SLCO4C1: variants seen among roughly 807,000 people sequenced by gnomAD.
SLCO4C1 encodes organic anion transporter M1.
Under a neutral mutation model 72.1 loss-of-function variants are expected in SLCO4C1, and 58 were observed. The ratio of observed to expected loss-of-function variants is 0.80; its 90% CI spans 0.65 to 1.00. The LOEUF (loss-of-function observed/expected upper bound fraction) is 1.00. Ranked by LOEUF, SLCO4C1 falls within the 50% of genes least tolerant of loss-of-function variation. The pLI is 0.00. For missense variants in SLCO4C1, 898 were observed against 857.9 expected, an observed-to-expected ratio of 1.05 and a Z score of -0.58; for synonymous variants, 297 against 312.5, an observed-to-expected ratio of 0.95 and a Z score of 0.52.
intron 11 of SLCO4C1, 112 bp from the exon 12 acceptor site, chr5:102,239,500 CT>C (rs1748500252): frequency 1.4e-6 from 1 of 712,312 alleles, no homozygotes; most frequent in Non-Finnish European, 2.0e-6. Context: ...AAGTATTCAT[CT>C]GTCCACATGC....
intron 2 of SLCO4C1, among the ~76,000 whole-genome samples, chr5:102,288,981 C>A (rs952133624): frequency 2.0e-5 from 3 of 152,164 alleles, no homozygotes; most frequent in Non-Finnish European, 2.9e-5. Context: ...GTTATCTCAA[C>A]ACCATGTGTA....
At chr5:102,257,334 T>C (rs748807846) in intron 7 of SLCO4C1, 24 bp from the exon 8 acceptor site, 9 of 1,556,144 alleles carry the variant, frequency 5.8e-6, no homozygotes, top group Non-Finnish European at 6.9e-6. Flanking sequence ...AGAATGTAGA[T>C]TGTGAGAAAC....
In SLCO4C1 at chr5:102,293,207, A is replaced by G. The variant is rs578090910; in HGVS notation, c.356-1601T>C. 1.3e-4 allele frequency among the ~76,000 whole-genome samples: 20 copies of G among 152,286 alleles called. No individual in the cohort carries two copies. The South Asian group carries it at 4.1e-3, about 32-fold the overall frequency. ...AATAAAGTACCTAAAGTATCTTAGG[A>G]TGACATTTTTATACGTTATCTAATA... On this transcript the variant is annotated intron_variant, in intron 1 of 12. Transcript: ENST00000310954.
rs1257863569 is a variant in SLCO4C1, at chr5:102,241,591, TG to T, written c.1812-810del. On this transcript the variant is annotated intron_variant, in intron 10 of 12. Coordinates refer to ENST00000310954, the MANE Select transcript of SLCO4C1 (RefSeq NM_180991.5). ...GCTATAAAACACTGATGAAAGAAAT[TG>T]AAGAAGCCACAAATAAATGGAAAGC... 2.0e-5 allele frequency among the ~76,000 whole-genome samples: 3 copies of T among 152,020 alleles called. No individual in the cohort carries two copies. In the East Asian group the frequency reaches 5.8e-4, roughly 29 times the overall value.
In SLCO4C1 at chr5:102,291,430, C is replaced by G. The variant is rs1252746068; in HGVS notation, c.532G>C (p.Ala178Pro). ...GCTCCCAGTCCAATCATAAAGGCTG[C>G]AAATGCAAGCCATCTCGGCTTATGT... ...RGHKPRWLAF[A>P]AFMIGLGALV... is the part of the protein sequence containing the mutation. Residue 178 changes from alanine (A) to proline (P), a missense_variant, in exon 2 of 13, where the codon GCA becomes CCA. Physicochemically the swap from Ala to Pro is conservative, Grantham distance 27. Transcript: ENST00000310954. 1 of 1,614,068 alleles carries G rather than the reference C, an allele frequency of 6.2e-7. No individual in the cohort carries two copies.
rs774808347 is a variant in SLCO4C1, at chr5:102,249,700, C to G, written c.1558G>C (p.Val520Leu). Residue 520 changes from valine (V) to leucine (L), a missense_variant, in exon 9 of 13, where the codon GTC becomes CTC. Physicochemically the swap from Val to Leu is conservative, Grantham distance 32. Transcript: ENST00000310954. ...SYYYPVCGDG[V>L]QYFSPCFAGC... ...GCAAAGCAGGGAGAAAAATATTGGA[C>G]TCCATCTCCACAGACAGGATAATAA... The G allele has an allele frequency of 5.0e-6, 8 of 1,613,826 alleles. No homozygotes were observed. Among genetic ancestry groups the G allele is most frequent in the Non-Finnish European group, 6.8e-6 (8 of 1,179,940 alleles).
chr5:102,294,776 C>A (rs942418506), intron 1 of SLCO4C1, among the ~76,000 whole-genome samples: 20 of 152,106 alleles, frequency 1.3e-4, no homozygotes, highest in African/African-American at 4.8e-4. Context: ...GCATCTAATG[C>A]GCAAAGCAAG....
intron 11 of SLCO4C1, 70 bp from the exon 12 acceptor site, chr5:102,239,458 T>C: frequency 9.2e-7 from 1 of 1,089,422 alleles, no homozygotes; most frequent in Non-Finnish European, 1.2e-6. Flanking sequence ...TTTTTATACA[T>C]GATCATACAT....
intron 12 of SLCO4C1, among the ~76,000 whole-genome samples, chr5:102,238,358 GT>G (rs1445539059): frequency 3.9e-5 from 6 of 152,016 alleles, no homozygotes; most frequent in Non-Finnish European, 8.8e-5. Context: ...ATAAAAAATG[GT>G]TTTTAACAAC....
intron 2 of SLCO4C1, among the ~76,000 whole-genome samples, chr5:102,284,680 T>C (rs1206577503): frequency 1.3e-5 from 2 of 152,118 alleles, no homozygotes; most frequent in Non-Finnish European, 2.9e-5. Flanking sequence ...ATTTTTAACA[T>C]ATTCCTAATG....
At chr5:102,246,826 A>G (rs991523226) in intron 10 of SLCO4C1, among the ~76,000 whole-genome samples, 1 of 152,170 alleles carries the variant, frequency 6.6e-6, no homozygotes, top group Non-Finnish European at 1.5e-5. Context: ...GGTGAACAAC[A>G]CAGGTAATAG....
intron 1 of SLCO4C1, among the ~76,000 whole-genome samples, chr5:102,295,246 G>A (rs993701818): frequency 6.6e-6 from 1 of 152,152 alleles, no homozygotes; most frequent in Admixed American, 6.5e-5. Context: ...ACTCCCAAGA[G>A]AACCTAAAAG....
rs112198673 is a variant in SLCO4C1 at position 102,252,750 on chromosome 5, C to G, written c.1470-2962G>C. On this transcript the variant is annotated intron_variant, in intron 8 of 12. Coordinates refer to ENST00000310954, the MANE Select transcript of SLCO4C1 (RefSeq NM_180991.5). ...AATATCAAGGGGTGGTCACATTAGT[C>G]TACATATTTTACAAAGGTTTACTTC... 4.9e-3 allele frequency among the ~76,000 whole-genome samples: 752 copies of G among 152,134 alleles called. 3 individuals carry two copies. The highest frequency in any genetic ancestry group is 0.017 in the African/African-American group (713 of 41,510).
chr5:102,238,781 CA>C (rs1318837563), intron 12 of SLCO4C1, among the ~76,000 whole-genome samples: 2 of 151,966 alleles, frequency 1.3e-5, no homozygotes, highest in Non-Finnish European at 2.9e-5. Context: ...CTGCAAAAGG[CA>C]AAAAGAATTA....
chr5:102,263,932 T>G, intron 3 of SLCO4C1, 152 bp from the exon 4 acceptor site: 1 of 620,034 alleles, frequency 1.6e-6, no homozygotes, highest in Non-Finnish European at 2.8e-6. Flanking sequence ...ACCATTTGAA[T>G]TGATAGTCAA....
chr5:102,288,890 A>T (rs1195862979), intron 2 of SLCO4C1, among the ~76,000 whole-genome samples: 1 of 152,196 alleles, frequency 6.6e-6, no homozygotes, highest in Non-Finnish European at 1.5e-5. Context: ...ATTTTCAATT[A>T]TCTTGTTCAT....
chr5:102,247,917 C>CTTTTTTTT (rs55692838), intron 9 of SLCO4C1, among the ~76,000 whole-genome samples: 2 of 107,436 alleles, frequency 1.9e-5, no homozygotes, highest in African/African-American at 3.4e-5. Context: ...AGGCCAGAAA[C>CTTTTTTTT]TTTTTTTTTT....
chr5:102,260,392 A>C lies in SLCO4C1; in HGVS notation c.1022-73T>G, dbSNP rs967556854. Reference sequence around the variant, plus strand: ...AATATATTATATGTATAATATATATAATATATAATAAGTAAACGTGCTCTA... The same window carrying C: ...AATATATTATATGTATAATATATATCATATATAATAAGTAAACGTGCTCTA... On this transcript the variant is annotated intron_variant, in intron 5 of 12. Coordinates refer to ENST00000310954, the MANE Select transcript of SLCO4C1 (RefSeq NM_180991.5). The C allele has an allele frequency of 3.9e-5, 11 of 284,524 alleles. No individual in the cohort carries two copies. In the Admixed American group the frequency reaches 5.2e-4, roughly 13 times the overall value. The allele number at this position is 284,524 out of a possible 1,614,324, so 17.6% of individuals were successfully genotyped here.
intron 5 of SLCO4C1, among the ~76,000 whole-genome samples, 192 bp downstream of exon 5, chr5:102,261,720 A>G (rs1466178808): frequency 1.3e-5 from 2 of 152,154 alleles, no homozygotes; most frequent in Admixed American, 1.3e-4. Flanking sequence ...TTGGAAATTA[A>G]AAAAACATGA....
Sources: allele counts gnomAD v4.1 joint callset (sites outside exome capture counted in the v4.1 genomes callset), GRCh38; gene constraint gnomAD v4.1.1; transcripts MANE v1.5; gene names NCBI Gene and HGNC (gene_info 2026-07-23, HGNC 2026-07-21).